Variants in MYH11 observed in about 807,000 individuals in gnomAD.
MYH11 encodes the protein myosin heavy chain 11, also known as myosin-11.
A neutral mutation model predicts 246.6 loss-of-function variants in MYH11; 80 were observed. The observed-to-expected ratio is 0.32, with a 90% CI of 0.27 to 0.39. The LOEUF is 0.39. MYH11 is among the 10% of genes least tolerant of loss of function. MYH11 has a pLI of 1.00. For missense variants in MYH11, 2,158 were observed against 2,546.8 expected (o/e 0.85, Z 3.29); for synonymous variants, 1,071 against 1,015.5 (o/e 1.05, Z -1.04).
rs2041779876 is a variant in MYH11 at position 15,758,138 on chromosome 16, G to T, written c.1402-138C>A. On this transcript the variant is annotated intron_variant, in intron 12 of 40. Coordinates refer to ENST00000300036, the MANE Select transcript of MYH11 (RefSeq NM_002474.3). ...TCTGCCATCCCAGCACCCAGACAGG[G>T]CTGAGGCCCCAAAACATGCTGCCTA... The T allele has an allele frequency of 3.9e-6, 5 of 1,289,298 alleles. No homozygotes were observed. The Admixed American group carries it at 7.4e-5, about 19-fold the overall frequency. 79.9% of individuals were successfully genotyped at this position (1,289,298 alleles called of 1,614,324 possible). A position where few individuals can be genotyped will look rare whatever the true frequency, so the allele number is the denominator to read the frequency against.
Position 15,720,316 on chromosome 16 carries a change from G to C in MYH11, c.4792-4C>G. 1 of 1,613,414 alleles carries C rather than the reference G, an allele frequency of 6.2e-7. No homozygotes were observed. The highest frequency in any genetic ancestry group is 8.5e-7 in the Non-Finnish European group (1 of 1,179,708). The stretch of plus-strand genomic sequence containing the variant: ...GTTCCGTCTCATACTCGTGAAGCTG[G>C]GCGAGGAATAGAGATGTGTGCTGCC... On this transcript the variant is annotated splice_polypyrimidine_tract_variant and splice_region_variant and intron_variant, in intron 33 of 40. Transcript: ENST00000300036.
intron 4 of MYH11, 61 bp from the exon 5 acceptor site, chr16:15,786,793 T>A: frequency 7.0e-7 from 1 of 1,421,118 alleles, no homozygotes. Flanking sequence ...CGCAGTTCCA[T>A]GAGCCAGGCA....
chr16:15,811,867 A>T (rs761853773), intron 3 of MYH11, among the ~76,000 whole-genome samples: 7 of 152,042 alleles, frequency 4.6e-5, no homozygotes, highest in Non-Finnish European at 1.0e-4. Context: ...TGAGGTGAGG[A>T]CAAAACATTA....
intron 3 of MYH11, among the ~76,000 whole-genome samples, chr16:15,813,186 A>G (rs934373918): frequency 6.7e-6 from 1 of 150,238 alleles, no homozygotes; most frequent in Non-Finnish European, 1.5e-5. Flanking sequence ...CAAACAAAAA[A>G]CAGTTGTTTT....
At chr16:15,845,398 C>T (rs1395427899) in intron 1 of MYH11, among the ~76,000 whole-genome samples, 11 of 107,626 alleles carry the variant, frequency 1.0e-4, no homozygotes, top group Non-Finnish European at 4.0e-5. Flanking sequence ...CCCAGGGAAG[C>T]CAAAAGATAG....
chr16:15,831,464 G>GGGGTGTGT lies in MYH11; in HGVS notation c.345+6443_345+6444insACACACCC, dbSNP rs138443794. ...AGGAGTGACTTTTTCTTATGTTTGG[G>GGGGTGTGT]GTGTGTGTGTGTGTGTGTGTGTGTG... On this transcript the variant is annotated intron_variant, in intron 2 of 40. Coordinates refer to ENST00000300036, the MANE Select transcript of MYH11 (RefSeq NM_002474.3). Among the ~76,000 whole-genome samples the GGGGTGTGT allele has an allele frequency of 1.8e-3, 268 of 145,690 alleles. 2 individuals are homozygous for GGGGTGTGT. Among genetic ancestry groups the GGGGTGTGT allele is most frequent in the East Asian group, 7.7e-3 (38 of 4,942 alleles).
chr16:15,813,323 T>A (rs1376712067), intron 3 of MYH11, among the ~76,000 whole-genome samples: 1 of 152,158 alleles, frequency 6.6e-6, no homozygotes, highest in East Asian at 1.9e-4. Context: ...CACTCCAGCC[T>A]GGGCAACAGA....
intron 13 of MYH11, among the ~76,000 whole-genome samples, chr16:15,757,201 G>C (rs937799447): frequency 2.4e-4 from 36 of 151,294 alleles, no homozygotes; most frequent in Non-Finnish European, 5.3e-4. Context: ...CTGTTATCCA[G>C]GCTGGAATGC....
intron 1 of MYH11, among the ~76,000 whole-genome samples, chr16:15,846,048 G>A (rs189218253): frequency 5.9e-5 from 9 of 152,090 alleles, no homozygotes; most frequent in East Asian, 5.8e-4. Flanking sequence ...GCCGTAAGCC[G>A]ACATCATACC....
intron 3 of MYH11, among the ~76,000 whole-genome samples, chr16:15,813,192 GT>G (rs557654524): frequency 6.6e-6 from 1 of 150,888 alleles, no homozygotes; most frequent in African/African-American, 2.4e-5. Context: ...AAAAACAGTT[GT>G]TTTTTTTTAA....
intron 35 of MYH11, 64 bp downstream of exon 35, chr16:15,719,521 A>T (rs1356251362): frequency 1.9e-6 from 3 of 1,609,980 alleles, no homozygotes; most frequent in Non-Finnish European, 2.5e-6. Context: ...CACAGACTGG[A>T]GCTGCCAAGG....
intron 5 of MYH11, chr16:15,786,198 A>G (rs574148873): frequency 2.8e-6 from 1 of 354,560 alleles, no homozygotes; most frequent in East Asian, 7.4e-5. Flanking sequence ...ATGTCTAGAG[A>G]TATTTTTGGT....
intron 27 of MYH11, among the ~76,000 whole-genome samples, chr16:15,729,770 CAAA>C (rs1245443128): frequency 1.2e-3 from 185 of 152,222 alleles, no homozygotes; most frequent in African/African-American, 4.4e-3. Flanking sequence ...AGACTGGTCT[CAAA>C]CTCCTGACCT....
chr16:15,740,044 T>C lies in MYH11; in HGVS notation c.2997+7A>G. The C allele has an allele frequency of 6.2e-7, 1 of 1,613,744 alleles. No homozygotes were observed. The highest frequency in any genetic ancestry group is 8.5e-7 in the Non-Finnish European group (1 of 1,179,836). On this transcript the variant is annotated splice_region_variant and intron_variant, in intron 23 of 40. Transcript: ENST00000300036. Reference sequence around the variant, plus strand: ...GGCGTGAGCCACTGCACCCGGCCCCTACTCACTTTTGATAGTTTATTGTTC... The same window carrying C: ...GGCGTGAGCCACTGCACCCGGCCCCCACTCACTTTTGATAGTTTATTGTTC...
At chr16:15,780,575 C>T (rs1417823721) in intron 6 of MYH11, among the ~76,000 whole-genome samples, 2 of 150,144 alleles carry the variant, frequency 1.3e-5, no homozygotes, top group African/African-American at 4.9e-5. Context: ...TCCATCTCCC[C>T]GGGTTCAAGG....
chr16:15,823,485 C>T (rs1189238134), intron 2 of MYH11, 74 bp from the exon 3 acceptor site: 1 of 1,580,778 alleles, frequency 6.3e-7, no homozygotes, highest in Admixed American at 1.7e-5. Flanking sequence ...ACTCAATATT[C>T]TCATGTTAGA....
At position 15,718,239 on chromosome 16, in the gene MYH11, G is replaced by A. The variant is rs12917928; in HGVS notation, c.5295+76C>T. ...GCCTGCACACAGGAAGCCGCCACGCGTGTGTTGACTGGTGCAGGATCCTGC... is the reference window on the plus strand; with the variant it reads ...GCCTGCACACAGGAAGCCGCCACGCATGTGTTGACTGGTGCAGGATCCTGC... On this transcript the variant is annotated intron_variant, in intron 37 of 40. Coordinates refer to ENST00000300036, the MANE Select transcript of MYH11 (RefSeq NM_002474.3). The A allele has an allele frequency of 0.033, 53,513 of 1,599,732 alleles. 1,402 individuals carry two copies. The highest frequency in any genetic ancestry group is 0.093 in the African/African-American group (7,006 of 74,958).
At chr16:15,765,552 C>G (rs2041963856) in intron 9 of MYH11, among the ~76,000 whole-genome samples, 1 of 152,180 alleles carries the variant, frequency 6.6e-6, no homozygotes, top group South Asian at 2.1e-4. Context: ...GTACAAATCA[C>G]CCAGAGTTCT....
intron 3 of MYH11, among the ~76,000 whole-genome samples, chr16:15,803,307 C>T (rs2042931871): frequency 6.7e-6 from 1 of 148,556 alleles, no homozygotes; most frequent in Non-Finnish European, 1.5e-5. Flanking sequence ...AATGGAGTCT[C>T]GCTCTGTCAC....
Sources: gnomAD v4.1 joint callset for allele counts (sites outside exome capture counted in the v4.1 genomes callset) on GRCh38, gnomAD v4.1.1 for gene constraint, MANE v1.5 for transcripts, NCBI Gene and HGNC (gene_info 2026-07-23, HGNC 2026-07-21) for gene names.